RPS6KA2: variants seen among roughly 807,000 people sequenced by gnomAD.
RPS6KA2 encodes ribosomal protein S6 kinase A2, also known as ribosomal protein S6 kinase alpha-2.
Under a neutral mutation model 91.8 loss-of-function variants are expected in RPS6KA2, and 42 were observed. That is an observed-to-expected ratio of 0.46 (90% confidence interval 0.36 to 0.59). The LOEUF is 0.59. Ranked by LOEUF, RPS6KA2 falls within the 20% of genes least tolerant of loss-of-function variation. The pLI is 0.00. For synonymous variants in RPS6KA2, 414 were observed against 393.6 expected (o/e 1.05, Z -0.61); for missense variants, 798 against 978.5 (o/e 0.82, Z 2.46).
chr6:166,565,317 C>A (rs192737873), intron 1 of RPS6KA2, among the ~76,000 whole-genome samples: 3 of 152,220 alleles, frequency 2.0e-5, no homozygotes, highest in Admixed American at 6.5e-5. Context: ...CTGGCTTTAA[C>A]GAAGCCCTGA....
intron 2 of RPS6KA2, among the ~76,000 whole-genome samples, chr6:166,735,264 C>T (rs1037165005): frequency 2.6e-5 from 4 of 152,184 alleles, no homozygotes; most frequent in East Asian, 1.9e-4. Flanking sequence ...AAGCAAACAA[C>T]GTGACACAAA....
intron 3 of RPS6KA2, among the ~76,000 whole-genome samples, chr6:166,527,750 T>C (rs971242185): frequency 6.6e-6 from 1 of 152,094 alleles, no homozygotes; most frequent in Non-Finnish European, 1.5e-5. Context: ...CTCATCTACT[T>C]CCTGTCTCTA....
At chr6:166,465,342 T>A (rs368267255) in intron 11 of RPS6KA2, 1 of 152,220 alleles carries the variant, frequency 6.6e-6, no homozygotes, top group African/African-American at 2.4e-5. Flanking sequence ...CATCTTGCAT[T>A]TTAGCCCCTG....
At chr6:166,832,233 T>C (rs2128626877) in intron 2 of RPS6KA2, among the ~76,000 whole-genome samples, 1 of 152,306 alleles carries the variant, frequency 6.6e-6, no homozygotes, top group South Asian at 2.1e-4. Context: ...TGTTGGAATT[T>C]GCCTGGCCTG....
At chr6:166,420,447 T>C (rs1778683904) in intron 17 of RPS6KA2, among the ~76,000 whole-genome samples, 1 of 152,116 alleles carries the variant, frequency 6.6e-6, no homozygotes, top group African/African-American at 2.4e-5. Context: ...CTACTGTCCG[T>C]CTGTGTGAAT....
chr6:166,822,173 T>C (rs1261851602), intron 2 of RPS6KA2, among the ~76,000 whole-genome samples: 1 of 152,176 alleles, frequency 6.6e-6, no homozygotes, highest in Non-Finnish European at 1.5e-5. Flanking sequence ...ATTCCATGCT[T>C]GACATTGGTA....
chr6:166,845,527 T>C (rs1005703708), intron 2 of RPS6KA2, among the ~76,000 whole-genome samples: 2 of 152,100 alleles, frequency 1.3e-5, no homozygotes, highest in Non-Finnish European at 2.9e-5. Flanking sequence ...CAGACCACAG[T>C]GGAATAAAAT....
chr6:166,834,463 G>A (rs909924209), intron 2 of RPS6KA2, among the ~76,000 whole-genome samples: 1 of 152,206 alleles, frequency 6.6e-6, no homozygotes, highest in Non-Finnish European at 1.5e-5. Context: ...GGGTGTATCA[G>A]AGGGTAGAGG....
In RPS6KA2 at chr6:166,635,993, C is replaced by T. The variant is rs142017873; in HGVS notation, c.124-97209G>A. 1.1e-3 allele frequency among the ~76,000 whole-genome samples: 166 copies of T among 152,354 alleles called. 1 individual carries two copies. Among genetic ancestry groups the T allele is most frequent in the African/African-American group, 3.8e-3 (158 of 41,578 alleles). On this transcript the variant is annotated intron_variant, in intron 2 of 21. Coordinates refer to the RPS6KA2 transcript ENST00000503859. The surrounding 1 kb of genome is among the most constrained non-coding windows in gnomAD (Gnocchi z 4.8). The stretch of plus-strand genomic sequence containing the variant: ...TAAATCCAAATCCAATCATCCACTT[C>T]TCTGCTTATAACTCTTCCAGGCTTC...
intron 2 of RPS6KA2, among the ~76,000 whole-genome samples, chr6:166,817,336 C>G (rs1779792187): frequency 6.6e-6 from 1 of 152,074 alleles, no homozygotes; most frequent in South Asian, 2.1e-4. Context: ...CATAGATCAC[C>G]ACTGTAAGGT....
chr6:166,805,945 C>T (rs1268066603), intron 2 of RPS6KA2, among the ~76,000 whole-genome samples: 1 of 152,006 alleles, frequency 6.6e-6, no homozygotes, highest in African/African-American at 2.4e-5. Context: ...AAAAATAAAA[C>T]CTGGACCTGA....
intron 2 of RPS6KA2, among the ~76,000 whole-genome samples, chr6:166,782,035 A>G (rs948064012): frequency 6.6e-5 from 10 of 152,202 alleles, no homozygotes; most frequent in African/African-American, 2.4e-4. Context: ...CACACCTGTA[A>G]TCCCAGCACT....
intron 2 of RPS6KA2, among the ~76,000 whole-genome samples, chr6:166,831,875 T>C (rs1780191958): frequency 6.8e-6 from 1 of 146,350 alleles, no homozygotes; most frequent in Non-Finnish European, 1.5e-5. Flanking sequence ...ACATAGATGA[T>C]AGACAGATGA....
intron 14 of RPS6KA2, among the ~76,000 whole-genome samples, chr6:166,443,546 A>G (rs1005736364): frequency 2.0e-5 from 3 of 152,222 alleles, no homozygotes. Flanking sequence ...GGAGTGTCAC[A>G]GGACGTTTAA....
chr6:166,441,947 G>A (rs1484625773), intron 14 of RPS6KA2, among the ~76,000 whole-genome samples: 2 of 152,242 alleles, frequency 1.3e-5, no homozygotes, highest in African/African-American at 2.4e-5. Flanking sequence ...TGCCTTTGGA[G>A]GTGAAGTTAG....
chr6:166,497,785 C>A (rs891427280), intron 8 of RPS6KA2, among the ~76,000 whole-genome samples: 3 of 152,220 alleles, frequency 2.0e-5, no homozygotes, highest in African/African-American at 7.2e-5. Flanking sequence ...AGCGGAGCAA[C>A]CTTCATCCCG....
At chr6:166,702,186 C>T (rs1789544641) in intron 2 of RPS6KA2, 1 of 1,604,666 alleles carries the variant, frequency 6.2e-7, no homozygotes, top group African/African-American at 1.3e-5. Context: ...ATGGTGGCAC[C>T]TTCTTTTCCT....
At position 166,856,593 on chromosome 6, in the gene RPS6KA2, C is replaced by A. The variant is rs72572657; in HGVS notation, c.123+1607G>T. 0.021 allele frequency among the ~76,000 whole-genome samples: 3,230 copies of A among 152,268 alleles called. 232 individuals are homozygous for A. In the East Asian group the frequency reaches 0.27, roughly 13 times the overall value. ...CACCCATCCTGGCTCAGGGCCTTGT[C>A]GTCAGCCTCCTGAAGCCAACTACTA... On this transcript the variant is annotated intron_variant, in intron 2 of 21. Coordinates refer to the RPS6KA2 transcript ENST00000503859.
intron 3 of RPS6KA2, among the ~76,000 whole-genome samples, chr6:166,528,067 G>A (rs1283206944): frequency 1.3e-5 from 2 of 152,176 alleles, no homozygotes; most frequent in South Asian, 2.1e-4. Flanking sequence ...TTGGTGAACC[G>A]CCTAGGAGTG....
Sources: allele counts gnomAD v4.1 joint callset (sites outside exome capture counted in the v4.1 genomes callset), GRCh38; gene constraint gnomAD v4.1.1; non-coding constraint Gnocchi (gnomAD v3.1); transcripts MANE v1.5; gene names NCBI Gene and HGNC (gene_info 2026-07-23, HGNC 2026-07-21).